The following PTPRG variants were observed in gnomAD, a reference collection of about 807,000 sequenced individuals.
PTPRG encodes receptor-type tyrosine-protein phosphatase gamma.
PTPRG carries 102 observed loss-of-function variants against 165.3 expected under a neutral mutation model. The observed-to-expected ratio is 0.62, with a 90% confidence interval of 0.53 to 0.73. PTPRG has a LOEUF of 0.73. PTPRG is among the 30% of genes least tolerant of loss of function. PTPRG has a pLI of 0.00. For missense variants in PTPRG, 1,866 were observed against 1,861.4 expected (o/e 1.00, Z -0.05); for synonymous variants, 675 against 669.5 (o/e 1.01, Z -0.13).
chr3:61,601,825 C>T (rs1700877075), intron 1 of PTPRG, among the ~76,000 whole-genome samples: 1 of 152,130 alleles, frequency 6.6e-6, no homozygotes, highest in Non-Finnish European at 1.5e-5. Context: ...GGGTGGATTG[C>T]CACCTATCTT....
intron 2 of PTPRG, among the ~76,000 whole-genome samples, chr3:61,944,859 C>A (rs919560665): frequency 6.6e-6 from 1 of 152,148 alleles, no homozygotes. Flanking sequence ...AGGATGAGAT[C>A]ATTGGCCAGC....
intron 2 of PTPRG, among the ~76,000 whole-genome samples, chr3:61,874,180 T>C (rs1431296171): frequency 6.6e-6 from 1 of 152,126 alleles, no homozygotes; most frequent in African/African-American, 2.4e-5. Context: ...GGTTGAGCCC[T>C]CCCCAGACAG....
chr3:62,080,946 T>C (rs1701548968), intron 5 of PTPRG, among the ~76,000 whole-genome samples: 1 of 151,980 alleles, frequency 6.6e-6, no homozygotes, highest in African/African-American at 2.4e-5. Flanking sequence ...AAATTAGAGG[T>C]CAGATGATAA....
rs1576207458 is a variant in PTPRG at position 62,273,532 on chromosome 3, T to G, written c.3319-166T>G. 6.6e-6 allele frequency among the ~76,000 whole-genome samples: 1 copy of G among 152,148 alleles called. No homozygotes were observed. Among genetic ancestry groups the G allele is most frequent in the Admixed American group, 6.6e-5 (1 of 15,260 alleles). On this transcript the variant is annotated intron_variant, in intron 22 of 29. Coordinates refer to ENST00000474889, the MANE Select transcript of PTPRG (RefSeq NM_002841.4). The surrounding 1 kb of genome is among the most constrained non-coding windows in gnomAD (Gnocchi z 4.1). ...ACACAGTCTCTACCGTAAAATAAGT[T>G]AAGACTGATAAAGTGAGTATTGGAG...
At position 62,163,955 on chromosome 3, in the gene PTPRG, A is replaced by G. The variant is rs1247919489; in HGVS notation, c.841-4016A>G. Among the ~76,000 whole-genome samples the G allele has an allele frequency of 2.6e-5, 4 of 152,256 alleles. No individual in the cohort carries two copies. In the East Asian group the frequency reaches 7.7e-4, roughly 29 times the overall value. On this transcript the variant is annotated intron_variant, in intron 7 of 29. Transcript: ENST00000474889. The stretch of plus-strand genomic sequence containing the variant: ...ATTTGGAGAATTAGGCATAGGCCAG[A>G]TCATAAGGGCCCCACCATTAAGGAT...
chr3:61,793,375 C>CAAACAG (rs1247642658), intron 2 of PTPRG, among the ~76,000 whole-genome samples: 1 of 152,132 alleles, frequency 6.6e-6, no homozygotes, highest in Non-Finnish European at 1.5e-5. Context: ...AGTCCCCTCC[C>CAAACAG]AAACAGAATT....
At chr3:61,791,053 A>T (rs1038745040) in intron 2 of PTPRG, among the ~76,000 whole-genome samples, 8 of 152,340 alleles carry the variant, frequency 5.3e-5, no homozygotes, top group Non-Finnish European at 1.0e-4. Context: ...ACAATAGTCT[A>T]ATCAATGGTT....
In PTPRG at chr3:61,679,041, T is replaced by C. The variant is rs147778212; in HGVS notation, c.86-69837T>C. On this transcript the variant is annotated intron_variant, in intron 1 of 29. Coordinates refer to ENST00000474889, the MANE Select transcript of PTPRG (RefSeq NM_002841.4). The stretch of plus-strand genomic sequence containing the variant: ...ATTTGACTAGGAGAGGGAAGAATAT[T>C]CACAAAGGGCACTGGTCTCACGTGA... Among the ~76,000 whole-genome samples, 590 of 152,236 alleles carry C rather than the reference T, an allele frequency of 3.9e-3. 2 individuals are homozygous for C. The highest frequency in any genetic ancestry group is 6.6e-3 in the Non-Finnish European group (446 of 68,024).
intron 3 of PTPRG, among the ~76,000 whole-genome samples, chr3:61,991,426 G>A (rs1271605490): frequency 1.3e-5 from 2 of 152,018 alleles, no homozygotes; most frequent in African/African-American, 2.4e-5. Flanking sequence ...GACTGGTCTC[G>A]AACTCCTGAC....
intron 6 of PTPRG, among the ~76,000 whole-genome samples, chr3:62,133,813 T>C (rs572136974): frequency 4.8e-4 from 73 of 152,176 alleles, no homozygotes; most frequent in African/African-American, 1.7e-3. Context: ...GGTGAGACTC[T>C]GTCTCTACTA....
chr3:62,239,089 T>C (rs73098591), intron 14 of PTPRG, among the ~76,000 whole-genome samples: 200 of 152,298 alleles, frequency 1.3e-3, no homozygotes, highest in Non-Finnish European at 2.3e-3. Flanking sequence ...GTAGTTAAAT[T>C]TGTAAACATA....
At chr3:62,007,733 A>T (rs1306391101) in intron 4 of PTPRG, among the ~76,000 whole-genome samples, 1 of 152,198 alleles carries the variant, frequency 6.6e-6, no homozygotes, top group Non-Finnish European at 1.5e-5. Flanking sequence ...GGACATTTTG[A>T]TAGGGGATGG....
intron 2 of PTPRG, among the ~76,000 whole-genome samples, chr3:61,876,423 C>A (rs1311195239): frequency 6.6e-6 from 1 of 152,174 alleles, no homozygotes; most frequent in Admixed American, 6.5e-5. Context: ...CTGTCACGCT[C>A]GTGTCAATTT....
At chr3:62,050,123 A>G (rs928516769) in intron 4 of PTPRG, among the ~76,000 whole-genome samples, 5 of 152,220 alleles carry the variant, frequency 3.3e-5, no homozygotes, top group African/African-American at 1.2e-4. Context: ...TCAATCCATT[A>G]TATGAAAGAA....
chr3:62,066,272 CT>C (rs1424138968), intron 4 of PTPRG, among the ~76,000 whole-genome samples: 1 of 152,216 alleles, frequency 6.6e-6, no homozygotes, highest in African/African-American at 2.4e-5. Context: ...AAGTAACAAA[CT>C]ATATTTCAGG....
intron 6 of PTPRG, among the ~76,000 whole-genome samples, chr3:62,143,121 G>A (rs925844050): frequency 1.3e-5 from 2 of 152,088 alleles, no homozygotes; most frequent in African/African-American, 4.8e-5. Context: ...CTTGATTGAA[G>A]CTCATCATAT....
intron 5 of PTPRG, among the ~76,000 whole-genome samples, chr3:62,079,961 A>T (rs1350964753): frequency 1.3e-5 from 2 of 151,988 alleles, no homozygotes; most frequent in Non-Finnish European, 2.9e-5. Flanking sequence ...TGTGGGATGG[A>T]GACCCCATGG....
chr3:62,166,746 T>A (rs1036068598), intron 7 of PTPRG, among the ~76,000 whole-genome samples: 7 of 152,104 alleles, frequency 4.6e-5, no homozygotes, highest in African/African-American at 1.7e-4. Context: ...CTGGAGTGCA[T>A]GGTGCAATCA....
At chr3:62,086,385 T>C (rs1019799055) in intron 5 of PTPRG, among the ~76,000 whole-genome samples, 1 of 152,120 alleles carries the variant, frequency 6.6e-6, no homozygotes, top group African/African-American at 2.4e-5. Context: ...ATCTACCAAA[T>C]TCCCACCCTA....
Sources: gnomAD v4.1 joint callset for allele counts (sites outside exome capture counted in the v4.1 genomes callset) on GRCh38, gnomAD v4.1.1 for gene constraint, Gnocchi (gnomAD v3.1) non-coding constraint, MANE v1.5 for transcripts, NCBI Gene and HGNC (gene_info 2026-07-23, HGNC 2026-07-21) for gene names.